FARS2: variants seen among roughly 807,000 people sequenced by gnomAD.
The protein encoded by FARS2 is phenylalanyl-tRNA synthetase 2, mitochondrial, also known as phenylalanine--tRNA ligase, mitochondrial.
FARS2 carries 40 observed loss-of-function variants against 46.4 expected under a neutral mutation model. The observed-to-expected ratio is 0.86, with a 90% CI of 0.67 to 1.12. The LOEUF is 1.12. FARS2 is among the 50% of genes most tolerant of loss of function. The probability of loss-of-function intolerance (pLI) is 0.00; values close to 1 mark genes in which losing one functional copy is unlikely to be tolerated. For synonymous variants in FARS2, 234 were observed against 214.9 expected (o/e 1.09, Z -0.78); for missense variants, 513 against 567.9 (o/e 0.90, Z 0.98).
chr6:5,359,660 C>T (rs959656114), intron 1 of FARS2, among the ~76,000 whole-genome samples: 4 of 152,208 alleles, frequency 2.6e-5, no homozygotes, highest in African/African-American at 9.7e-5. Flanking sequence ...CCATGTGCCC[C>T]GGGCAGTGAA....
intron 1 of FARS2, among the ~76,000 whole-genome samples, chr6:5,268,551 C>G (rs1276783359): frequency 6.6e-6 from 1 of 152,056 alleles, no homozygotes; most frequent in Middle Eastern, 3.2e-3. Flanking sequence ...CTGTTCTGTT[C>G]CGTTGATCTA....
chr6:5,339,167 C>A (rs892185502), intron 1 of FARS2, among the ~76,000 whole-genome samples: 7 of 152,202 alleles, frequency 4.6e-5, no homozygotes, highest in Admixed American at 4.6e-4. Context: ...CTATACTACT[C>A]TGTCAGTATT....
chr6:5,472,083 G>T (rs1180635708), intron 4 of FARS2, among the ~76,000 whole-genome samples: 2 of 152,136 alleles, frequency 1.3e-5, no homozygotes, highest in Non-Finnish European at 2.9e-5. Context: ...TATAAAGCAT[G>T]CTCAGCCCCC....
intron 6 of FARS2, among the ~76,000 whole-genome samples, chr6:5,758,317 C>G (rs1168054743): frequency 1.3e-5 from 2 of 152,078 alleles, no homozygotes; most frequent in Non-Finnish European, 2.9e-5. Context: ...AATTAGATTA[C>G]TTTTTCTCAC....
intron 4 of FARS2, among the ~76,000 whole-genome samples, chr6:5,447,307 C>T (rs112833800): frequency 6.6e-6 from 1 of 152,100 alleles, no homozygotes; most frequent in Non-Finnish European, 1.5e-5. Context: ...AGGGGACCAC[C>T]TTCTTGGCAT....
chr6:5,666,688 A>G (rs564771587), intron 6 of FARS2, among the ~76,000 whole-genome samples: 1 of 152,380 alleles, frequency 6.6e-6, no homozygotes, highest in African/African-American at 2.4e-5. Flanking sequence ...ACCTAAAAAC[A>G]GAACTAACAT....
intron 6 of FARS2, among the ~76,000 whole-genome samples, chr6:5,769,798 C>A (rs1762940110): frequency 6.6e-6 from 1 of 152,224 alleles, no homozygotes; most frequent in South Asian, 2.1e-4. Context: ...TGGTAACTTC[C>A]TCCTGTGGCT....
chr6:5,687,698 A>G (rs1343555951), intron 6 of FARS2, among the ~76,000 whole-genome samples: 1 of 152,176 alleles, frequency 6.6e-6, no homozygotes, highest in Non-Finnish European at 1.5e-5. Context: ...TTTTGGTTCC[A>G]TATGAACTTT....
chr6:5,567,199 G>A (rs12662178), intron 5 of FARS2, among the ~76,000 whole-genome samples: 32,518 of 152,086 alleles, frequency 0.21, 5,502 homozygotes, highest in African/African-American at 0.46. Flanking sequence ...TTTAATAATG[G>A]CCATCCTAAT....
chr6:5,571,569 A>T (rs1388231244), intron 5 of FARS2, among the ~76,000 whole-genome samples: 1 of 151,974 alleles, frequency 6.6e-6, no homozygotes, highest in African/African-American at 2.4e-5. Flanking sequence ...TCACGCTATC[A>T]TCTGTCACCT....
chr6:5,707,961 T>C (rs1177141881), intron 6 of FARS2, among the ~76,000 whole-genome samples: 1 of 152,166 alleles, frequency 6.6e-6, no homozygotes. Context: ...GTGGCAAATA[T>C]CATGGAATCT....
intron 4 of FARS2, among the ~76,000 whole-genome samples, chr6:5,447,466 A>G (rs1440021019): frequency 6.6e-6 from 1 of 152,172 alleles, no homozygotes; most frequent in Non-Finnish European, 1.5e-5. Flanking sequence ...TTTTACCCCC[A>G]TTCTCTACCT....
At chr6:5,653,745 G>A (rs1021488085) in intron 6 of FARS2, among the ~76,000 whole-genome samples, 1 of 152,202 alleles carries the variant, frequency 6.6e-6, no homozygotes. Flanking sequence ...ACAATTGTGA[G>A]TGCCTGTTAC....
intron 3 of FARS2, among the ~76,000 whole-genome samples, chr6:5,422,928 G>A (rs912119520): frequency 6.6e-6 from 1 of 152,318 alleles, no homozygotes; most frequent in South Asian, 2.1e-4. Context: ...TCCCCATGCT[G>A]AATTGTCACA....
chr6:5,674,490 C>T (rs937524573), intron 6 of FARS2, among the ~76,000 whole-genome samples: 4 of 152,194 alleles, frequency 2.6e-5, no homozygotes, highest in Non-Finnish European at 4.4e-5. Context: ...CAGATCCATG[C>T]AGAGGTAATA....
At chr6:5,600,193 A>G (rs1774429931) in intron 5 of FARS2, among the ~76,000 whole-genome samples, 1 of 152,262 alleles carries the variant, frequency 6.6e-6, no homozygotes, top group African/African-American at 2.4e-5. Context: ...TTAATTGAAT[A>G]CAAGGTTACC....
rs1760321986 is a variant in FARS2, at chr6:5,727,174, ACGG to A, written c.1218-44112_1218-44110del. Among the ~76,000 whole-genome samples the A allele has an allele frequency of 6.6e-6, 1 of 151,650 alleles. No homozygotes were observed. The highest frequency in any genetic ancestry group is 2.1e-4 in the South Asian group (1 of 4,804). On this transcript the variant is annotated intron_variant, in intron 6 of 6. Transcript: ENST00000274680. This position sits in a 1 kb window ranked among gnomAD's most constrained non-coding sequence, Gnocchi z 4.1. ...CCAGGAAGCTGCTCAGTCAACAGTA[ACGG>A]CGGCTGCTGCTGTAGGGGTGGGCAT...
intron 1 of FARS2, among the ~76,000 whole-genome samples, chr6:5,304,599 G>A (rs1197797255): frequency 6.6e-6 from 1 of 152,166 alleles, no homozygotes; most frequent in African/African-American, 2.4e-5. Context: ...CTTGGTTAGG[G>A]ATGCAGCCTC....
chr6:5,628,014 A>G (rs973083880), intron 6 of FARS2, among the ~76,000 whole-genome samples: 2 of 152,330 alleles, frequency 1.3e-5, no homozygotes, highest in East Asian at 3.9e-4. Flanking sequence ...GGAAAAGGAA[A>G]AAAGGAAACA....
Sources: allele counts gnomAD v4.1 joint callset (sites outside exome capture counted in the v4.1 genomes callset), GRCh38; gene constraint gnomAD v4.1.1; non-coding constraint Gnocchi (gnomAD v3.1); transcripts MANE v1.5; gene names NCBI Gene and HGNC (gene_info 2026-07-23, HGNC 2026-07-21).